The following ZRANB3 variants were observed in gnomAD, a reference collection of about 807,000 sequenced individuals.
ZRANB3 encodes zinc finger RANBP2-type containing 3, also known as DNA annealing helicase and endonuclease ZRANB3.
In ZRANB3, 125 loss-of-function variants were observed where a neutral mutation model predicts 133.8. The ratio of observed to expected loss-of-function variants is 0.93; its 90% CI spans 0.81 to 1.08. The LOEUF (loss-of-function observed/expected upper bound fraction) is 1.08. ZRANB3 is among the 50% of genes least tolerant of loss of function. The pLI is 0.00. For synonymous variants in ZRANB3, 387 were observed against 432.7 expected (o/e 0.89, Z 1.31); for missense variants, 1,229 against 1,275.5 (o/e 0.96, Z 0.56).
At chr2:135,420,605 G>A (rs1688800123) in intron 2 of ZRANB3, among the ~76,000 whole-genome samples, 2 of 152,100 alleles carry the variant, frequency 1.3e-5, no homozygotes, top group South Asian at 2.1e-4. Context: ...TACTTCTGAG[G>A]CTGAAGTGTG....
At position 135,219,166 on chromosome 2, in the gene ZRANB3, T is replaced by C; in HGVS notation, c.2263A>G (p.Met755Val). The C allele has an allele frequency of 6.5e-7, 1 of 1,527,092 alleles. No homozygotes were observed. The highest frequency in any genetic ancestry group is 8.7e-7 in the Non-Finnish European group (1 of 1,143,342). 94.6% of individuals were successfully genotyped at this position (1,527,092 alleles called of 1,614,324 possible). The change falls in exon 16 of 21, where the codon ATG becomes GTG. Residue 755 changes from methionine to valine, a missense_variant. Coordinates refer to ENST00000264159, the MANE Select transcript of ZRANB3 (RefSeq NM_032143.4). ...TCCAGAGGAATGAAATTACAGCTCA[T>C]CTGTTTTCCATCCTGATGATAGATT... ...IHIYTKDGKQMSCNFIPLDIK... is the reference protein window; with the variant it reads ...IHIYTKDGKQVSCNFIPLDIK...
intron 6 of ZRANB3, among the ~76,000 whole-genome samples, chr2:135,327,968 C>A (rs963636872): frequency 3.3e-5 from 5 of 152,006 alleles, no homozygotes; most frequent in African/African-American, 1.2e-4. Flanking sequence ...CTTATCAATT[C>A]ATCCTTCTTT....
intron 2 of ZRANB3, among the ~76,000 whole-genome samples, chr2:135,417,030 C>A (rs1276243320): frequency 1.3e-5 from 2 of 152,080 alleles, no homozygotes; most frequent in Non-Finnish European, 2.9e-5. Flanking sequence ...TAGGCAATAC[C>A]ATTCAGGACA....
intron 19 of ZRANB3, among the ~76,000 whole-genome samples, chr2:135,206,190 T>C (rs985756921): frequency 6.6e-6 from 1 of 152,120 alleles, no homozygotes; most frequent in Non-Finnish European, 1.5e-5. Flanking sequence ...TAATCAAATA[T>C]ACTATGTGGG....
At chr2:135,446,147 A>G (rs1285896187) in intron 2 of ZRANB3, among the ~76,000 whole-genome samples, 3 of 151,634 alleles carry the variant, frequency 2.0e-5, no homozygotes, top group African/African-American at 7.3e-5. Context: ...CAGAGGTTGC[A>G]GTGAGCTGAG....
intron 15 of ZRANB3, among the ~76,000 whole-genome samples, chr2:135,220,418 G>A (rs1381059504): frequency 6.6e-6 from 1 of 151,904 alleles, no homozygotes; most frequent in Non-Finnish European, 1.5e-5. Flanking sequence ...AAAATTTTGA[G>A]GCCAGGCACA....
chr2:135,269,002 C>T lies in ZRANB3; in HGVS notation c.1346G>A (p.Gly449Glu). 6.2e-7 allele frequency: 1 copy of T among 1,609,756 alleles called. No homozygotes were observed. Among genetic ancestry groups the T allele is most frequent in the Non-Finnish European group, 8.5e-7 (1 of 1,178,738 alleles). The change falls in exon 11 of 21, where the codon GGA (glycine) becomes GAA (glutamate). Residue 449 changes from glycine to glutamate, a missense_variant. Physicochemically the swap from Gly to Glu is moderately conservative, Grantham distance 98. Transcript: ENST00000264159. ...TCCCCACATAAGGGTGTCTAGGGTT[C>T]CATTTGCAATAAGGTAGTGAATATT... ...SVNIHYLIAN[G>E]TLDTLMWGML...
At chr2:135,382,485 A>G (rs1434891188) in intron 3 of ZRANB3, among the ~76,000 whole-genome samples, 1 of 152,158 alleles carries the variant, frequency 6.6e-6, no homozygotes, top group Non-Finnish European at 1.5e-5. Flanking sequence ...TTCAGGAAAT[A>G]CAGAGAATGC....
At chr2:135,419,318 T>G (rs1484364607) in intron 2 of ZRANB3, among the ~76,000 whole-genome samples, 1 of 152,036 alleles carries the variant, frequency 6.6e-6, no homozygotes, top group Non-Finnish European at 1.5e-5. Flanking sequence ...ACATTTTGGA[T>G]TTTACATAAG....
intron 6 of ZRANB3, among the ~76,000 whole-genome samples, chr2:135,340,494 G>C (rs1684600304): frequency 6.6e-6 from 1 of 151,624 alleles, no homozygotes; most frequent in African/African-American, 2.4e-5. Context: ...TCAATTTTCT[G>C]GATCTACAAG....
chr2:135,266,388 T>C (rs1400707139), intron 11 of ZRANB3, among the ~76,000 whole-genome samples: 3 of 152,226 alleles, frequency 2.0e-5, no homozygotes, highest in Non-Finnish European at 2.9e-5. Context: ...GGGAAAAATT[T>C]ACATTCTGTA....
At chr2:135,498,031 C>T (rs189395994) in intron 2 of ZRANB3, among the ~76,000 whole-genome samples, 6 of 151,128 alleles carry the variant, frequency 4.0e-5, no homozygotes, top group Admixed American at 1.3e-4. Flanking sequence ...CCAGCCTGGG[C>T]GACAGCGAGA....
intron 12 of ZRANB3, among the ~76,000 whole-genome samples, chr2:135,232,839 G>A (rs1695096912): frequency 2.0e-5 from 3 of 152,222 alleles, no homozygotes; most frequent in South Asian, 4.1e-4. Context: ...TCACAAAGAT[G>A]GGGAAAAAAC....
intron 8 of ZRANB3, among the ~76,000 whole-genome samples, chr2:135,312,933 T>G (rs565368092): frequency 1.3e-5 from 2 of 151,048 alleles, no homozygotes; most frequent in South Asian, 4.2e-4. Flanking sequence ...GGAAGGAGAA[T>G]TGCTTGAACC....
At chr2:135,455,288 A>C (rs1690459054) in intron 2 of ZRANB3, among the ~76,000 whole-genome samples, 1 of 141,542 alleles carries the variant, frequency 7.1e-6, no homozygotes, top group Admixed American at 7.8e-5. Context: ...TCCCAGGTTC[A>C]AGCGATTCTC....
intron 12 of ZRANB3, among the ~76,000 whole-genome samples, chr2:135,254,101 T>C (rs1475022583): frequency 6.6e-6 from 1 of 152,224 alleles, no homozygotes; most frequent in African/African-American, 2.4e-5. Context: ...CACATATTTG[T>C]GTAGATTTTG....
At chr2:135,519,209 C>A (rs934744115) in intron 1 of ZRANB3, among the ~76,000 whole-genome samples, 3 of 152,050 alleles carry the variant, frequency 2.0e-5, no homozygotes, top group African/African-American at 7.2e-5. Context: ...GTGTCAATAT[C>A]CTGGTTGTAC....
intron 8 of ZRANB3, among the ~76,000 whole-genome samples, chr2:135,278,220 C>T (rs1437102784): frequency 6.6e-6 from 1 of 152,060 alleles, no homozygotes; most frequent in Non-Finnish European, 1.5e-5. Context: ...ATTCTATAAG[C>T]TTCCAGAAAA....
chr2:135,234,943 T>C (rs1025474140), intron 12 of ZRANB3, among the ~76,000 whole-genome samples: 15 of 151,390 alleles, frequency 9.9e-5, no homozygotes, highest in South Asian at 8.4e-4. Flanking sequence ...AAGATCAGAG[T>C]AGAACTGAAG....
Sources: gnomAD v4.1 joint callset for allele counts (sites outside exome capture counted in the v4.1 genomes callset) on GRCh38, gnomAD v4.1.1 for gene constraint, MANE v1.5 for transcripts, NCBI Gene and HGNC (gene_info 2026-07-23, HGNC 2026-07-21) for gene names.